The following ZBTB38 variants were observed in gnomAD, a reference collection of about 807,000 sequenced individuals.
ZBTB38 encodes zinc finger and BTB domain-containing protein 38.
A neutral mutation model predicts 76.8 loss-of-function variants in ZBTB38; 20 were observed. The observed-to-expected ratio is 0.26, with a 90% confidence interval of 0.18 to 0.38. ZBTB38 has a LOEUF of 0.38. Ranked by LOEUF, ZBTB38 falls within the 10% of genes least tolerant of loss-of-function variation. The pLI is 1.00. For synonymous variants in ZBTB38, 504 were observed against 544.2 expected (o/e 0.93, Z 1.03); for missense variants, 1,082 against 1,482.3 (o/e 0.73, Z 4.43).
Position 141,443,397 on chromosome 3 carries a change from G to C in ZBTB38, c.1009G>C (p.Val337Leu), listed in dbSNP as rs2080643496. 6.2e-7 allele frequency: 1 copy of C among 1,614,218 alleles called. No individual in the cohort carries two copies. Among genetic ancestry groups the C allele is most frequent in the Non-Finnish European group, 8.5e-7 (1 of 1,180,044 alleles). The change falls in exon 6 of 6, where the codon GTT (valine) becomes CTT (leucine). Residue 337 changes from valine (V) to leucine (L), a missense_variant. By Grantham distance (32) the Val-to-Leu change is conservative. Transcript: ENST00000321464. This position sits in a 1 kb window ranked among gnomAD's most constrained non-coding sequence, Gnocchi z 5.6. Reference sequence around the variant, plus strand: ...TGTTCCCGGGCCGCCAGCCGCAGAGGTTCCACCTCTGGTGTACAATTGTAG... The same window carrying C: ...TGTTCCCGGGCCGCCAGCCGCAGAGCTTCCACCTCTGGTGTACAATTGTAG... ...SDVPGPPAAEVPPLVYNCSCC... is the reference protein window; with the variant it reads ...SDVPGPPAAELPPLVYNCSCC...
Position 141,346,782 on chromosome 3 carries a change from TTGTGTGTGTGTG to T in ZBTB38, c.-738-21816_-738-21805del, listed in dbSNP as rs56345431. Among the ~76,000 whole-genome samples the T allele has an allele frequency of 5.1e-3, 739 of 144,684 alleles. 4 individuals are homozygous for T. Among genetic ancestry groups the T allele is most frequent in the African/African-American group, 0.017 (655 of 38,926 alleles). The allele number at this position is 144,684 out of a possible 152,430, so 94.9% of individuals were successfully genotyped here. A position where few individuals can be genotyped will look rare whatever the true frequency, so the allele number is the denominator to read the frequency against. On this transcript the variant is annotated intron_variant, in intron 1 of 7. Coordinates refer to the ZBTB38 transcript ENST00000509842. The stretch of plus-strand genomic sequence containing the variant: ...ACTCTCCGAGGTTTTTTGTTTTGTT[TTGTGTGTGTGTG>T]TGTGTGTGTGTGTGTGTGTGTGGTG...
chr3:141,358,619 T>G (rs966409785), intron 1 of ZBTB38, among the ~76,000 whole-genome samples: 17 of 152,202 alleles, frequency 1.1e-4, no homozygotes, highest in Non-Finnish European at 2.1e-4. Context: ...TAATTCAAAT[T>G]TTTTTAGTAT....
At chr3:141,400,252 G>A (rs1351409636) in intron 4 of ZBTB38, among the ~76,000 whole-genome samples, 2 of 152,148 alleles carry the variant, frequency 1.3e-5, no homozygotes, top group African/African-American at 2.4e-5. Flanking sequence ...AGACTGTGTT[G>A]TTTAAAACTG....
rs1035766716 is a variant in ZBTB38, at chr3:141,445,056, G to C, written c.2668G>C (p.Gly890Arg). The change falls in exon 6 of 6, where the codon GGG (glycine) becomes CGG (arginine). Residue 890 changes from glycine to arginine, a missense_variant. Transcript: ENST00000321464. This position sits in a 1 kb window ranked among gnomAD's most constrained non-coding sequence, Gnocchi z 6.5. ...AGAACCCAGTGGAGACAGCCCACTC[G>C]GGCTTTGCCAATCCGAGTGCATGGA... ...DPEPSGDSPLGLCQSECMEMS... is the reference protein window; with the variant it reads ...DPEPSGDSPLRLCQSECMEMS... 1.2e-6 allele frequency: 2 copies of C among 1,614,166 alleles called. No homozygotes were observed. The highest frequency in any genetic ancestry group is 2.2e-5 in the South Asian group (2 of 91,074).
In ZBTB38 at chr3:141,443,132, A is replaced by G. The variant is rs761753620; in HGVS notation, c.744A>G (p.Thr248=). 3.1e-6 allele frequency: 5 copies of G among 1,614,108 alleles called. No homozygotes were observed. In the African/African-American group the frequency reaches 4.0e-5, roughly 13 times the overall value. The change falls in exon 6 of 6, where the codon ACA becomes ACG. Residue 248 remains threonine (T), a synonymous_variant. Coordinates refer to ENST00000321464, the MANE Select transcript of ZBTB38 (RefSeq NM_001376113.1). This position sits in a 1 kb window ranked among gnomAD's most constrained non-coding sequence, Gnocchi z 5.6. The part of the protein sequence containing the change: ...REHDGSSPGN[T]GKENCEALAA... ...ATGATGGCAGTTCACCTGGTAACAC[A>G]GGGAAAGAAAATTGTGAAGCCCTTG...
chr3:141,416,141 A>G (rs1365521692), intron 5 of ZBTB38, among the ~76,000 whole-genome samples: 1 of 152,202 alleles, frequency 6.6e-6, no homozygotes, highest in African/African-American at 2.4e-5. Context: ...AATTAATCCC[A>G]TGCTGCCATG....
chr3:141,429,309 G>T (rs1209933881), intron 5 of ZBTB38, among the ~76,000 whole-genome samples: 10 of 150,720 alleles, frequency 6.6e-5, no homozygotes, highest in Non-Finnish European at 1.5e-4. Flanking sequence ...GCGGGGGACG[G>T]CGGCAGGTTG....
At chr3:141,335,649 T>C (rs1942995104) in intron 1 of ZBTB38, among the ~76,000 whole-genome samples, 1 of 152,164 alleles carries the variant, frequency 6.6e-6, no homozygotes, top group South Asian at 2.1e-4. Flanking sequence ...GATGGCACAA[T>C]TATCATTCCC....
chr3:141,447,702 G>GT lies in ZBTB38; in HGVS notation c.*1729dup, dbSNP rs1488437040. On this transcript the variant is annotated 3_prime_UTR_variant, in exon 6 of 6. Coordinates refer to ENST00000321464, the MANE Select transcript of ZBTB38 (RefSeq NM_001376113.1). ...TGAAGAAGTAGCTCAAAGGACTCCGGTTTCTGTCTACAAGTGTGATGTCTC... is the reference window on the plus strand; with the variant it reads ...TGAAGAAGTAGCTCAAAGGACTCCGGTTTTCTGTCTACAAGTGTGATGTCTC... 6.6e-6 allele frequency: 1 copy of GT among 152,180 alleles called. No homozygotes were observed. The highest frequency in any genetic ancestry group is 2.4e-5 in the African/African-American group (1 of 41,426). The allele number at this position is 152,180 out of a possible 1,614,324, so 9.4% of individuals were successfully genotyped here.
chr3:141,446,137 A>G lies in ZBTB38; in HGVS notation c.*161A>G, dbSNP rs1025089673. The stretch of plus-strand genomic sequence containing the variant: ...TTCCAGAAAAAGGATCCTAATATCT[A>G]CTTTGGGTTTTAGCATTAACTTTAT... On this transcript the variant is annotated 3_prime_UTR_variant, in exon 6 of 6. Coordinates refer to ENST00000321464, the MANE Select transcript of ZBTB38 (RefSeq NM_001376113.1). The G allele has an allele frequency of 6.0e-6, 4 of 664,132 alleles. No homozygotes were observed. The highest frequency in any genetic ancestry group is 9.1e-6 in the Non-Finnish European group (4 of 438,758). 41.1% of individuals were successfully genotyped at this position (664,132 alleles called of 1,614,324 possible). A position where few individuals can be genotyped will look rare whatever the true frequency, so the allele number is the denominator to read the frequency against.
At chr3:141,362,218 A>G (rs1046515471) in intron 1 of ZBTB38, among the ~76,000 whole-genome samples, 7 of 152,064 alleles carry the variant, frequency 4.6e-5, no homozygotes, top group Non-Finnish European at 8.8e-5. Flanking sequence ...ATCCCTAAAG[A>G]TGAACTTTTT....
chr3:141,426,597 G>A (rs2076440634), intron 5 of ZBTB38, among the ~76,000 whole-genome samples: 1 of 152,150 alleles, frequency 6.6e-6, no homozygotes, highest in African/African-American at 2.4e-5. Flanking sequence ...GCCAGAGTGT[G>A]GGAAGGGAAG....
chr3:141,434,757 A>T (rs987474442), intron 5 of ZBTB38, among the ~76,000 whole-genome samples: 15 of 152,054 alleles, frequency 9.9e-5, no homozygotes, highest in African/African-American at 3.6e-4. Flanking sequence ...TATAATTCTT[A>T]AAAGTACTTT....
intron 1 of ZBTB38, among the ~76,000 whole-genome samples, chr3:141,348,639 A>G (rs927623088): frequency 6.6e-6 from 1 of 152,168 alleles, no homozygotes; most frequent in Non-Finnish European, 1.5e-5. Flanking sequence ...GTCTTACTCA[A>G]GCTTAAAGGA....
intron 5 of ZBTB38, among the ~76,000 whole-genome samples, chr3:141,417,575 T>C (rs931008191): frequency 6.6e-6 from 1 of 152,196 alleles, no homozygotes; most frequent in Non-Finnish European, 1.5e-5. Context: ...CATCCCCACC[T>C]GTCTCTTTGC....
intron 2 of ZBTB38, among the ~76,000 whole-genome samples, chr3:141,378,469 A>C (rs1945717521): frequency 6.6e-6 from 1 of 152,262 alleles, no homozygotes; most frequent in Non-Finnish European, 1.5e-5. Context: ...TAGCCCAAGT[A>C]CTACAGCGAT....
At chr3:141,351,231 C>T (rs1236426372) in intron 1 of ZBTB38, among the ~76,000 whole-genome samples, 4 of 152,102 alleles carry the variant, frequency 2.6e-5, no homozygotes, top group African/African-American at 9.7e-5. Context: ...TGACCAGTTG[C>T]TTGCTTCATA....
chr3:141,396,058 TTAAAA>T (rs1358358117), intron 4 of ZBTB38, among the ~76,000 whole-genome samples: 1 of 152,216 alleles, frequency 6.6e-6, no homozygotes, highest in Non-Finnish European at 1.5e-5. Context: ...TGGCGATTTC[TTAAAA>T]TAAAACAACA....
intron 5 of ZBTB38, among the ~76,000 whole-genome samples, chr3:141,418,971 G>T (rs1209856533): frequency 6.6e-6 from 1 of 152,220 alleles, no homozygotes; most frequent in South Asian, 2.1e-4. Context: ...GGTTTTGTTG[G>T]TAAAGATAGC....
Sources: gnomAD v4.1 joint callset for allele counts (sites outside exome capture counted in the v4.1 genomes callset) on GRCh38, gnomAD v4.1.1 for gene constraint, Gnocchi (gnomAD v3.1) non-coding constraint, MANE v1.5 for transcripts, NCBI Gene and HGNC (gene_info 2026-07-23, HGNC 2026-07-21) for gene names.